The following DGKH variants were observed in gnomAD, a reference collection of about 807,000 sequenced individuals.
DGKH encodes DAG kinase eta.
Under a neutral mutation model 159.3 loss-of-function variants are expected in DGKH, and 90 were observed. That is an observed-to-expected ratio of 0.57 (90% CI 0.48 to 0.67). DGKH has a LOEUF of 0.67. Ranked by LOEUF, DGKH falls within the 30% of genes least tolerant of loss-of-function variation. DGKH has a pLI of 0.00. For missense variants in DGKH, 1,181 were observed against 1,506.1 expected (o/e 0.78, Z 3.57); for synonymous variants, 536 against 553.8 (o/e 0.97, Z 0.45).
Position 42,229,557 on chromosome 13 carries a change from A to T in DGKH, c.*369A>T, listed in dbSNP as rs1313656654. 1.8e-5 allele frequency: 3 copies of T among 163,694 alleles called. No homozygotes were observed. Among genetic ancestry groups the T allele is most frequent in the Non-Finnish European group, 4.0e-5 (3 of 75,948 alleles). 10.1% of individuals were successfully genotyped at this position (163,694 alleles called of 1,614,324 possible). A position where few individuals can be genotyped will look rare whatever the true frequency, so the allele number is the denominator to read the frequency against. On this transcript the variant is annotated 3_prime_UTR_variant, in exon 30 of 30. Transcript: ENST00000337343. ...TCCTACTGTGCAACTGCATAACAAT[A>T]TGTGGTTAAAACTTCCTAGGTTTCA...
At chr13:42,194,805 T>A in intron 16 of DGKH, 80 bp from the exon 17 acceptor site, 2 of 1,446,204 alleles carry the variant, frequency 1.4e-6, no homozygotes, top group Non-Finnish European at 1.9e-6. Context: ...AACATTATTT[T>A]ATGTTTTAAA....
At chr13:42,126,724 A>G (rs2137838807) in intron 1 of DGKH, among the ~76,000 whole-genome samples, 1 of 152,150 alleles carries the variant, frequency 6.6e-6, no homozygotes, top group Middle Eastern at 3.4e-3. Flanking sequence ...TAACCTTTCT[A>G]CTTTTGCACA....
At chr13:42,065,450 T>G (rs1882492580) in intron 1 of DGKH, among the ~76,000 whole-genome samples, 1 of 152,248 alleles carries the variant, frequency 6.6e-6, no homozygotes, top group South Asian at 2.1e-4. Flanking sequence ...GTCTTACTCT[T>G]TCTCCTCTTA....
intron 30 of DGKH, among the ~76,000 whole-genome samples, chr13:42,254,229 G>T (rs1958641324): frequency 6.6e-6 from 1 of 152,182 alleles, no homozygotes; most frequent in South Asian, 2.1e-4. Flanking sequence ...TCACAGTGTG[G>T]CATGAGATAG....
Position 42,174,126 on chromosome 13 carries a change from A to G in DGKH, c.1434A>G (p.Glu478=), listed in dbSNP as rs764959163. The change falls in exon 12 of 30, where the codon GAA becomes GAG. Residue 478 remains glutamate (E), a synonymous_variant. Coordinates refer to ENST00000337343, the MANE Select transcript of DGKH (RefSeq NM_178009.5). ...CTTCCCTACTTCCAGGACCTCCAGA[A>G]GCATCTGAAGAATTTTATGTAAGAC... The part of the protein sequence containing the change: ...PKASLLPGPP[E]ASEEFYMTIY... The G allele has an allele frequency of 2.5e-6, 4 of 1,613,800 alleles. No homozygotes were observed. The African/African-American group carries it at 5.3e-5, about 22-fold the overall frequency.
intron 1 of DGKH, among the ~76,000 whole-genome samples, chr13:42,061,630 CCATTCTCTACT>C (rs1487069226): frequency 6.6e-6 from 1 of 152,180 alleles, no homozygotes; most frequent in Non-Finnish European, 1.5e-5. Flanking sequence ...CCTCTCTTCT[CCATTCTCTACT>C]CCAGTGCCAG....
intron 1 of DGKH, among the ~76,000 whole-genome samples, chr13:42,095,838 T>G (rs914759721): frequency 6.6e-6 from 1 of 152,238 alleles, no homozygotes; most frequent in Non-Finnish European, 1.5e-5. Flanking sequence ...GAAGTAACTA[T>G]GCATTTGTTG....
rs1206930900 is a variant in DGKH at position 42,242,432 on chromosome 13, C to T, written c.*13244C>T. 2.6e-5 allele frequency: 4 copies of T among 152,184 alleles called. No homozygotes were observed. Among genetic ancestry groups the T allele is most frequent in the African/African-American group, 9.6e-5 (4 of 41,452 alleles). 9.4% of individuals were successfully genotyped at this position (152,184 alleles called of 1,614,324 possible). A position where few individuals can be genotyped will look rare whatever the true frequency, so the allele number is the denominator to read the frequency against. The stretch of plus-strand genomic sequence containing the variant: ...GAGTGAAACTTTTAACTGCTTAGCA[C>T]ACTTGCCAGTGAAATATACCTGACA... On this transcript the variant is annotated 3_prime_UTR_variant, in exon 30 of 30. Coordinates refer to ENST00000337343, the MANE Select transcript of DGKH (RefSeq NM_178009.5).
chr13:42,065,416 A>G (rs1447434606), intron 1 of DGKH, among the ~76,000 whole-genome samples: 1 of 152,178 alleles, frequency 6.6e-6, no homozygotes, highest in Non-Finnish European at 1.5e-5. Flanking sequence ...ACAATTTTAA[A>G]TTATTACCGT....
Position 42,052,863 on chromosome 13 carries a change from C to T in DGKH, c.192+3898C>T, listed in dbSNP as rs1389257670. ...GACTTTTTCTGCCTTTGGGTCATCT[C>T]GGCTAAGGTTGTGAAGCTGCATGTG... On this transcript the variant is annotated intron_variant, in intron 1 of 29. Coordinates refer to ENST00000337343, the MANE Select transcript of DGKH (RefSeq NM_178009.5). 4.6e-5 allele frequency among the ~76,000 whole-genome samples: 7 copies of T among 152,274 alleles called. No individual in the cohort carries two copies. In the East Asian group the frequency reaches 7.7e-4, roughly 17 times the overall value.
chr13:42,219,727 C>G lies in DGKH; in HGVS notation c.3375C>G (p.Thr1125=), dbSNP rs201313434. ...MDCTKRNNRS[T]VFRIVPKFKK... is the part of the protein sequence containing the mutation. ...GCACCAAAAGGAACAACAGAAGCAC[C>G]GTATTTCGAATAGTGCCAAAGTTTA... The change falls in exon 28 of 30, where the codon ACC becomes ACG. Residue 1125 remains threonine (T), a synonymous_variant. Coordinates refer to ENST00000337343, the MANE Select transcript of DGKH (RefSeq NM_178009.5). 753 of 1,613,536 alleles carry G rather than the reference C, an allele frequency of 4.7e-4. 1 individual carries two copies. Among genetic ancestry groups the G allele is most frequent in the Non-Finnish European group, 6.0e-4 (712 of 1,179,778 alleles).
chr13:42,207,347 AC>A (rs1415406097), intron 21 of DGKH, among the ~76,000 whole-genome samples: 1 of 150,708 alleles, frequency 6.6e-6, no homozygotes, highest in African/African-American at 2.4e-5. Flanking sequence ...ACACCACCAC[AC>A]CTGGCTAATT....
intron 1 of DGKH, among the ~76,000 whole-genome samples, chr13:42,067,406 G>A (rs1235966574): frequency 2.0e-5 from 3 of 151,940 alleles, no homozygotes; most frequent in Admixed American, 6.6e-5. Flanking sequence ...TTTTCAACAC[G>A]CTTAAAAAAG....
intron 1 of DGKH, among the ~76,000 whole-genome samples, chr13:42,041,498 G>A (rs1162097368): frequency 6.6e-6 from 1 of 152,196 alleles, no homozygotes; most frequent in African/African-American, 2.4e-5. Context: ...CTGGGATTTC[G>A]CTGCACACGC....
intron 1 of DGKH, among the ~76,000 whole-genome samples, chr13:42,109,961 A>C (rs1035943280): frequency 6.6e-6 from 1 of 152,124 alleles, no homozygotes; most frequent in Non-Finnish European, 1.5e-5. Flanking sequence ...ATCTATCTAT[A>C]TCTATCTATC....
chr13:42,148,410 C>T (rs1160234708), intron 3 of DGKH, among the ~76,000 whole-genome samples: 2 of 152,182 alleles, frequency 1.3e-5, no homozygotes, highest in African/African-American at 4.8e-5. Context: ...ATGAATTCTA[C>T]CTCCTAAAAA....
chr13:42,198,655 A>G, intron 18 of DGKH, 60 bp downstream of exon 18: 1 of 1,270,774 alleles, frequency 7.9e-7, no homozygotes, highest in Non-Finnish European at 1.1e-6. Context: ...TTTTTTTTCA[A>G]CATGAACTGT....
chr13:42,249,392 C>T (rs1958604012), intron 29 of DGKH, among the ~76,000 whole-genome samples: 1 of 152,188 alleles, frequency 6.6e-6, no homozygotes, highest in Non-Finnish European at 1.5e-5. Flanking sequence ...GCCTGGGCAC[C>T]AGAGCGAGAC....
At chr13:42,103,961 A>G (rs1381674339) in intron 1 of DGKH, among the ~76,000 whole-genome samples, 1 of 152,206 alleles carries the variant, frequency 6.6e-6, no homozygotes, top group Non-Finnish European at 1.5e-5. Context: ...TATTAATAGT[A>G]TATATAGACT....
Sources: allele counts gnomAD v4.1 joint callset (sites outside exome capture counted in the v4.1 genomes callset), GRCh38; gene constraint gnomAD v4.1.1; transcripts MANE v1.5; gene names NCBI Gene and HGNC (gene_info 2026-07-23, HGNC 2026-07-21).